SMARCA2: variants seen among roughly 807,000 people sequenced by gnomAD.
SMARCA2 encodes the protein SWI/SNF related BAF chromatin remodeling complex subunit ATPase 2.
Under a neutral mutation model 199.8 loss-of-function variants are expected in SMARCA2, and 61 were observed. That is an observed-to-expected ratio of 0.31 (90% CI 0.25 to 0.38). The LOEUF (loss-of-function observed/expected upper bound fraction) is 0.38. SMARCA2 is among the 10% of genes least tolerant of loss of function. SMARCA2 has a pLI of 1.00. For missense variants in SMARCA2, 1,344 were observed against 2,012.2 expected (o/e 0.67, Z 6.35); for synonymous variants, 935 against 732.0 (o/e 1.28, Z -4.48).
intron 26 of SMARCA2, among the ~76,000 whole-genome samples, chr9:2,120,793 C>T (rs1367831098): frequency 1.3e-5 from 2 of 152,282 alleles, no homozygotes; most frequent in East Asian, 1.9e-4. Context: ...ATGAACCACC[C>T]TTCCCAAGTA....
rs533733779 is a variant in SMARCA2, at chr9:2,167,582, C to T, written c.4200-2837C>T. Among the ~76,000 whole-genome samples, 9 of 152,268 alleles carry T rather than the reference C, an allele frequency of 5.9e-5. No individual in the cohort carries two copies. The South Asian group carries it at 1.4e-3, about 25-fold the overall frequency. Reference sequence around the variant, plus strand: ...ACAGAGGGGTGGCAGCCACGTGGCTCCTGCCTCCCTGACACTCTTCAGTCT... The same window carrying T: ...ACAGAGGGGTGGCAGCCACGTGGCTTCTGCCTCCCTGACACTCTTCAGTCT... On this transcript the variant is annotated intron_variant, in intron 28 of 33. Coordinates refer to ENST00000349721, the MANE Select transcript of SMARCA2 (RefSeq NM_003070.5).
chr9:2,157,746 G>C (rs1291403509), intron 27 of SMARCA2: 5 of 393,682 alleles, frequency 1.3e-5, no homozygotes, highest in Non-Finnish European at 2.2e-5. Flanking sequence ...GCGTGTCCCT[G>C]TTTACCTATT....
chr9:2,070,373 C>T (rs370906119), intron 9 of SMARCA2, 45 bp from the exon 10 acceptor site: 24 of 1,532,984 alleles, frequency 1.6e-5, no homozygotes, highest in Non-Finnish European at 4.5e-6. Flanking sequence ...GTCCTGTACC[C>T]CATCATCTTG....
intron 19 of SMARCA2, among the ~76,000 whole-genome samples, chr9:2,093,811 A>G (rs1822161140): frequency 6.6e-6 from 1 of 152,220 alleles, no homozygotes; most frequent in South Asian, 2.1e-4. Context: ...GCAGCTTTAA[A>G]TAGGGCTATA....
chr9:2,123,011 A>G lies in SMARCA2; in HGVS notation c.3763-708A>G, dbSNP rs554253217. Among the ~76,000 whole-genome samples the G allele has an allele frequency of 1.2e-3, 178 of 152,322 alleles. No homozygotes were observed. Among genetic ancestry groups the G allele is most frequent in the Non-Finnish European group, 1.9e-3 (129 of 68,026 alleles). On this transcript the variant is annotated intron_variant, in intron 26 of 33. Transcript: ENST00000349721. The surrounding 1 kb of genome is among the most constrained non-coding windows in gnomAD (Gnocchi z 4.1). ...CTGAAAGGAATCCATTTCACTTACAACTAGATCAGTTGGGATGCGATTACC... is the reference window on the plus strand; with the variant it reads ...CTGAAAGGAATCCATTTCACTTACAGCTAGATCAGTTGGGATGCGATTACC...
chr9:2,110,175 G>T lies in SMARCA2; in HGVS notation c.3293-79G>T. 3 of 1,167,864 alleles carry T rather than the reference G, an allele frequency of 2.6e-6. No homozygotes were observed. The highest frequency in any genetic ancestry group is 3.6e-6 in the Non-Finnish European group (3 of 828,930). The allele number at this position is 1,167,864 out of a possible 1,614,324, so 72.3% of individuals were successfully genotyped here. ...AGGAGTCTGGGTATATTTCTTGAAG[G>T]AAGCAAGCCTTTTTGTCTCATTCTG... On this transcript the variant is annotated intron_variant, in intron 23 of 33. Transcript: ENST00000349721. This position sits in a 1 kb window ranked among gnomAD's most constrained non-coding sequence, Gnocchi z 4.8.
At chr9:2,114,967 A>C (rs1823155729) in intron 24 of SMARCA2, among the ~76,000 whole-genome samples, 1 of 152,108 alleles carries the variant, frequency 6.6e-6, no homozygotes, top group Non-Finnish European at 1.5e-5. Context: ...TATAATTTTT[A>C]TGATACTTTG....
At chr9:2,036,121 T>G (rs1819318696) in intron 3 of SMARCA2, among the ~76,000 whole-genome samples, 7 of 152,152 alleles carry the variant, frequency 4.6e-5, no homozygotes, top group Admixed American at 4.6e-4. Context: ...ATGATAACAT[T>G]GTTTATTTTT....
intron 22 of SMARCA2, among the ~76,000 whole-genome samples, chr9:2,102,961 G>GT (rs111370241): frequency 0.057 from 7,877 of 137,474 alleles, 334 homozygotes; most frequent in African/African-American, 0.12. Flanking sequence ...CATGCTCCCT[G>GT]TTTTTTTTTT....
chr9:2,119,139 C>A lies in SMARCA2; in HGVS notation c.3685-319C>A, dbSNP rs1186557794. ...ATCCCCATGTGAAATAGATGTCATA[C>A]CCATATGACCAATGAGGTCACTGAA... On this transcript the variant is annotated intron_variant, in intron 25 of 33. Transcript: ENST00000349721. The surrounding 1 kb of genome is among the most constrained non-coding windows in gnomAD (Gnocchi z 4.6). Among the ~76,000 whole-genome samples the A allele has an allele frequency of 1.3e-5, 2 of 152,150 alleles. No homozygotes were observed. The highest frequency in any genetic ancestry group is 4.8e-5 in the African/African-American group (2 of 41,426).
At chr9:2,023,876 C>G (rs1347940862) in intron 1 of SMARCA2, among the ~76,000 whole-genome samples, 4 of 152,210 alleles carry the variant, frequency 2.6e-5, no homozygotes, top group African/African-American at 9.6e-5. Flanking sequence ...TCTGAATCAG[C>G]AAACAGACAT....
intron 27 of SMARCA2, among the ~76,000 whole-genome samples, chr9:2,137,836 C>A (rs1373850054): frequency 6.6e-6 from 1 of 152,018 alleles, no homozygotes; most frequent in African/African-American, 2.4e-5. Context: ...TGGTTGCAGC[C>A]CCATATCCTT....
At chr9:2,165,694 G>A (rs1340800806) in intron 28 of SMARCA2, among the ~76,000 whole-genome samples, 1 of 152,196 alleles carries the variant, frequency 6.6e-6, no homozygotes, top group Non-Finnish European at 1.5e-5. Flanking sequence ...TCTTTGAGAA[G>A]GGATTCATCC....
Position 2,186,380 on chromosome 9 carries a change from G to T in SMARCA2, c.4594+152G>T, listed in dbSNP as rs74717220. ...TCCTTGCTGGGCAACCGGTGGCCAT[G>T]TCCTTATCCCTGCTCATGCTCAGTT... On this transcript the variant is annotated intron_variant, in intron 32 of 33. Transcript: ENST00000349721. The T allele has an allele frequency of 1.2e-3, 849 of 733,878 alleles. 4 individuals are homozygous for T. In the African/African-American group the frequency reaches 0.014, roughly 12 times the overall value. 45.5% of individuals were successfully genotyped at this position (733,878 alleles called of 1,614,324 possible).
chr9:2,142,090 GTC>G (rs901126860), intron 27 of SMARCA2, among the ~76,000 whole-genome samples: 4 of 152,244 alleles, frequency 2.6e-5, no homozygotes, highest in African/African-American at 9.6e-5. Flanking sequence ...CTCCTTGGTT[GTC>G]TCTGTTTCTC....
chr9:2,149,488 C>G (rs1824943936), intron 27 of SMARCA2, among the ~76,000 whole-genome samples: 1 of 151,498 alleles, frequency 6.6e-6, no homozygotes, highest in South Asian at 2.1e-4. Flanking sequence ...CCATTGCACT[C>G]CAGCCTGGGC....
chr9:2,025,510 C>T (rs2130157647), intron 1 of SMARCA2, among the ~76,000 whole-genome samples: 1 of 152,234 alleles, frequency 6.6e-6, no homozygotes, highest in Non-Finnish European at 1.5e-5. Context: ...CTGTGAAGTC[C>T]ATCTGGGCCC....
intron 27 of SMARCA2, among the ~76,000 whole-genome samples, chr9:2,129,367 G>A (rs557400383): frequency 8.7e-4 from 132 of 152,270 alleles, no homozygotes; most frequent in Middle Eastern, 6.8e-3. Context: ...ACATTGAGCC[G>A]AGATCGTGCC....
intron 19 of SMARCA2, among the ~76,000 whole-genome samples, chr9:2,095,496 G>A (rs1347310631): frequency 1.3e-5 from 2 of 152,102 alleles, no homozygotes; most frequent in Non-Finnish European, 2.9e-5. Context: ...GATTAATCTT[G>A]GAGATTTTTC....
Sources: allele counts gnomAD v4.1 joint callset (sites outside exome capture counted in the v4.1 genomes callset), GRCh38; gene constraint gnomAD v4.1.1; non-coding constraint Gnocchi (gnomAD v3.1); transcripts MANE v1.5; gene names NCBI Gene and HGNC (gene_info 2026-07-23, HGNC 2026-07-21).